Variants in XKR4 observed in about 807,000 individuals in gnomAD.
The protein encoded by XKR4 is XK related 4.
XKR4 carries 12 observed loss-of-function variants against 53.9 expected under a neutral mutation model. That is an observed-to-expected ratio of 0.22 (90% CI 0.14 to 0.36). The LOEUF is 0.36. XKR4 is among the 10% of genes least tolerant of loss of function. The pLI is 1.00. For synonymous variants in XKR4, 354 were observed against 362.4 expected, an observed-to-expected ratio of 0.98 and a Z score of 0.26; for missense variants, 799 against 859.5, an observed-to-expected ratio of 0.93 and a Z score of 0.88.
At chr8:55,119,621 G>A (rs1816363610) in intron 1 of XKR4, among the ~76,000 whole-genome samples, 1 of 152,132 alleles carries the variant, frequency 6.6e-6, no homozygotes, top group African/African-American at 2.4e-5. Flanking sequence ...AGGCTCACAG[G>A]CCACACTCAG....
chr8:55,222,848 AG>A (rs1199686009), intron 1 of XKR4, among the ~76,000 whole-genome samples: 1 of 151,920 alleles, frequency 6.6e-6, no homozygotes, highest in Non-Finnish European at 1.5e-5. Flanking sequence ...TTTTTTTTAA[AG>A]AATATAAGGT....
At chr8:55,210,096 T>C (rs1219120372) in intron 1 of XKR4, among the ~76,000 whole-genome samples, 2 of 152,016 alleles carry the variant, frequency 1.3e-5, no homozygotes, top group Non-Finnish European at 2.9e-5. Flanking sequence ...ATTTTTTTTT[T>C]TTTTTTTGAG....
chr8:55,413,140 T>C (rs1395585247), intron 2 of XKR4, among the ~76,000 whole-genome samples: 1 of 152,260 alleles, frequency 6.6e-6, no homozygotes, highest in Non-Finnish European at 1.5e-5. Flanking sequence ...GTTTTACTGA[T>C]TATTTCCTCC....
intron 1 of XKR4, among the ~76,000 whole-genome samples, chr8:55,321,955 C>T (rs1163080846): frequency 2.6e-5 from 4 of 152,064 alleles, no homozygotes; most frequent in Non-Finnish European, 5.9e-5. Flanking sequence ...TGCCACTACA[C>T]TCCAGCCTGG....
chr8:55,239,862 T>C lies in XKR4; in HGVS notation c.807-117816T>C, dbSNP rs1818184618. Among the ~76,000 whole-genome samples, 4 of 152,222 alleles carry C rather than the reference T, an allele frequency of 2.6e-5. No individual in the cohort carries two copies. In the South Asian group the frequency reaches 8.3e-4, roughly 32 times the overall value. ...GTAGTTGATACTTCAAGGCAGCTCT[T>C]GAGAAGGAGAACTCTTGCAAACCAT... On this transcript the variant is annotated intron_variant, in intron 1 of 2. Coordinates refer to ENST00000327381, the MANE Select transcript of XKR4 (RefSeq NM_052898.2).
chr8:55,413,556 GTTTC>G, intron 2 of XKR4, among the ~76,000 whole-genome samples: 1 of 152,318 alleles, frequency 6.6e-6, no homozygotes, highest in East Asian at 1.9e-4. Flanking sequence ...TTTACTTAAA[GTTTC>G]TTTCTATTAT....
chr8:55,453,233 A>G, intron 2 of XKR4: 1 of 492,878 alleles, frequency 2.0e-6, no homozygotes, highest in Admixed American at 2.3e-5. Context: ...GGCTGTGACC[A>G]GAGGCAGCAG....
At chr8:55,270,431 G>A (rs1273440519) in intron 1 of XKR4, among the ~76,000 whole-genome samples, 1 of 152,192 alleles carries the variant, frequency 6.6e-6, no homozygotes, top group Admixed American at 6.5e-5. Flanking sequence ...AGGGTTAGGA[G>A]TTTCCTTCAC....
intron 2 of XKR4, among the ~76,000 whole-genome samples, chr8:55,510,877 G>C (rs1806615617): frequency 6.6e-6 from 1 of 152,210 alleles, no homozygotes; most frequent in Non-Finnish European, 1.5e-5. Flanking sequence ...CCTGCGATGA[G>C]AAGGGTGACT....
At chr8:55,240,592 G>A (rs1461336296) in intron 1 of XKR4, among the ~76,000 whole-genome samples, 1 of 151,982 alleles carries the variant, frequency 6.6e-6, no homozygotes, top group South Asian at 2.1e-4. Flanking sequence ...TCCTACAGAG[G>A]ACAATACGGA....
intron 2 of XKR4, among the ~76,000 whole-genome samples, chr8:55,436,364 T>A (rs1194155395): frequency 6.6e-6 from 1 of 152,192 alleles, no homozygotes; most frequent in Non-Finnish European, 1.5e-5. Context: ...AGTCTGCAGA[T>A]GTGCTTTTAA....
chr8:55,495,686 G>A (rs556239398), intron 2 of XKR4, among the ~76,000 whole-genome samples: 17 of 152,342 alleles, frequency 1.1e-4, no homozygotes, highest in Admixed American at 1.3e-4. Flanking sequence ...TGGAGGAGCA[G>A]AGGCTCTGGG....
intron 2 of XKR4, among the ~76,000 whole-genome samples, chr8:55,470,153 A>G (rs1414968855): frequency 1.3e-5 from 2 of 152,172 alleles, no homozygotes; most frequent in Non-Finnish European, 2.9e-5. Flanking sequence ...ACAAGGGTGG[A>G]CTAGCAAGGA....
At chr8:55,307,097 T>C (rs1361366313) in intron 1 of XKR4, among the ~76,000 whole-genome samples, 1 of 152,056 alleles carries the variant, frequency 6.6e-6, no homozygotes. Flanking sequence ...AGTTCTTAGA[T>C]TTGACACCAA....
chr8:55,308,639 A>T (rs1433426505), intron 1 of XKR4, among the ~76,000 whole-genome samples: 1 of 151,990 alleles, frequency 6.6e-6, no homozygotes, highest in African/African-American at 2.4e-5. Flanking sequence ...ACAATCTAAC[A>T]ATCTGAATCT....
chr8:55,454,006 G>C (rs1459396327), intron 2 of XKR4: 2 of 873,386 alleles, frequency 2.3e-6, no homozygotes, highest in Admixed American at 1.9e-5. Flanking sequence ...CAGGCTCCGG[G>C]TGAATGCACA....
At chr8:55,464,681 A>C (rs1344947355) in intron 2 of XKR4, among the ~76,000 whole-genome samples, 1 of 152,182 alleles carries the variant, frequency 6.6e-6, no homozygotes, top group East Asian at 1.9e-4. Context: ...AATTAGGAAA[A>C]GAGGAAGTCA....
intron 1 of XKR4, among the ~76,000 whole-genome samples, chr8:55,149,668 A>G (rs1306859721): frequency 6.6e-6 from 1 of 152,094 alleles, no homozygotes; most frequent in Non-Finnish European, 1.5e-5. Flanking sequence ...CCTTTGGAGT[A>G]TTTATAGCTT....
intron 2 of XKR4, among the ~76,000 whole-genome samples, chr8:55,492,388 A>G (rs957360427): frequency 6.6e-6 from 1 of 152,186 alleles, no homozygotes; most frequent in Non-Finnish European, 1.5e-5. Context: ...CTTAACCCCA[A>G]AATACTAAGC....
Sources: gnomAD v4.1 joint callset for allele counts (sites outside exome capture counted in the v4.1 genomes callset) on GRCh38, gnomAD v4.1.1 for gene constraint, MANE v1.5 for transcripts, NCBI Gene and HGNC (gene_info 2026-07-23, HGNC 2026-07-21) for gene names.